Variants in CCDC88A observed in about 807,000 individuals in gnomAD.
The protein encoded by CCDC88A is girdin.
A neutral mutation model predicts 234.3 loss-of-function variants in CCDC88A; 54 were observed. The observed-to-expected ratio is 0.23, with a 90% CI of 0.19 to 0.29. CCDC88A has a LOEUF of 0.29. Ranked by LOEUF, CCDC88A falls within the 10% of genes least tolerant of loss-of-function variation. The probability of loss-of-function intolerance (pLI) is 1.00; values close to 1 mark genes in which losing one functional copy is unlikely to be tolerated. For synonymous variants in CCDC88A, 753 were observed against 737.8 expected (o/e 1.02, Z -0.33); for missense variants, 1,832 against 2,123.4 (o/e 0.86, Z 2.70).
intron 7 of CCDC88A, among the ~76,000 whole-genome samples, chr2:55,357,316 CTTCCTTCCTTCCTTCT>C (rs1406890754): frequency 1.3e-5 from 2 of 150,014 alleles, no homozygotes; most frequent in Non-Finnish European, 1.5e-5. Context: ...AAATTCCTTC[CTTCCTTCCTTCCTTCT>C]TTCCTTCCTT....
At chr2:55,391,376 A>G (rs981956610) in intron 2 of CCDC88A, among the ~76,000 whole-genome samples, 1 of 152,168 alleles carries the variant, frequency 6.6e-6, no homozygotes, top group Non-Finnish European at 1.5e-5. Context: ...AATCATTACA[A>G]TGTCCAGCAT....
intron 8 of CCDC88A, chr2:55,355,344 T>C (rs977935906): frequency 2.5e-5 from 10 of 393,258 alleles, no homozygotes; most frequent in African/African-American, 1.9e-4. Flanking sequence ...GACATTATTT[T>C]ATTTAAAAAA....
At chr2:55,367,506 C>A (rs182453963) in intron 5 of CCDC88A, among the ~76,000 whole-genome samples, 1 of 102,322 alleles carries the variant, frequency 9.8e-6, no homozygotes, top group African/African-American at 4.1e-5. Flanking sequence ...AAATGCCTTG[C>A]TAGAAATTGT....
At chr2:55,321,506 A>T (rs961518716) in intron 18 of CCDC88A, among the ~76,000 whole-genome samples, 1 of 151,946 alleles carries the variant, frequency 6.6e-6, no homozygotes, top group African/African-American at 2.4e-5. Context: ...AGCCGAGATC[A>T]CGCCACTGCA....
Position 55,335,290 on chromosome 2 carries a change from T to C in CCDC88A, c.1657-126A>G. On this transcript the variant is annotated intron_variant, in intron 14 of 32. Transcript: ENST00000436346. This position sits in a 1 kb window ranked among gnomAD's most constrained non-coding sequence, Gnocchi z 4.5. ...TGCTAGAACATGTCTTACTTTTAAT[T>C]CTGACAAGTATTTACTGAAGACCAC... The C allele has an allele frequency of 1.8e-6, 1 of 546,752 alleles. No homozygotes were observed. The highest frequency in any genetic ancestry group is 3.0e-6 in the Non-Finnish European group (1 of 328,856). The allele number at this position is 546,752 out of a possible 1,614,324, so 33.9% of individuals were successfully genotyped here.
In CCDC88A at chr2:55,386,543, C is replaced by T. The variant is rs192047288; in HGVS notation, c.273+2235G>A. Among the ~76,000 whole-genome samples, 633 of 151,594 alleles carry T rather than the reference C, an allele frequency of 4.2e-3. 5 individuals are homozygous for T. Among genetic ancestry groups the T allele is most frequent in the African/African-American group, 0.015 (620 of 41,226 alleles). On this transcript the variant is annotated intron_variant, in intron 3 of 32. Coordinates refer to ENST00000436346, the MANE Select transcript of CCDC88A (RefSeq NM_001365480.1). ...CTGGAGTGCAACAGCATGATCTCGGCTCACTGCAAACCCTGCTTCCTGGGT... is the reference window on the plus strand; with the variant it reads ...CTGGAGTGCAACAGCATGATCTCGGTTCACTGCAAACCCTGCTTCCTGGGT...
chr2:55,335,067 A>G lies in CCDC88A; in HGVS notation c.1754T>C (p.Ile585Thr). 6.2e-7 allele frequency: 1 copy of G among 1,611,936 alleles called. No individual in the cohort carries two copies. Among genetic ancestry groups the G allele is most frequent in the South Asian group, 1.1e-5 (1 of 90,682 alleles). The change falls in exon 15 of 33, where the codon ATT becomes ACT. Residue 585 changes from isoleucine (I) to threonine (T), a missense_variant. By Grantham distance (89) the Ile-to-Thr change is moderately conservative (BLOSUM62 -1). Around this residue, in one of 6 missense-constraint regions of CCDC88A, gnomAD observed 1,282 missense variants for 1,543.6 expected, o/e 0.83. Coordinates refer to ENST00000436346, the MANE Select transcript of CCDC88A (RefSeq NM_001365480.1). This position sits in a 1 kb window ranked among gnomAD's most constrained non-coding sequence, Gnocchi z 4.5. ...ATGAAGAATTTTGTTTTCTTTTTCA[A>G]TGTCTTTCACTCTTGCTTCTGCACT... ...QISAEARVKD[I>T]EKENKILHES...
intron 9 of CCDC88A, chr2:55,348,838 T>G (rs1285170832): frequency 6.6e-6 from 1 of 152,220 alleles, no homozygotes; most frequent in Admixed American, 6.5e-5. Flanking sequence ...CTCATTTATC[T>G]ATGAAGGTCC....
chr2:55,366,458 C>T (rs968678525), intron 5 of CCDC88A, among the ~76,000 whole-genome samples: 1 of 151,338 alleles, frequency 6.6e-6, no homozygotes, highest in African/African-American at 2.4e-5. Flanking sequence ...ACCCAGGAGG[C>T]GGAGGTTGTA....
chr2:55,356,484 G>GAAATCA (rs1461017345), intron 7 of CCDC88A: 2 of 135,374 alleles, frequency 1.5e-5, no homozygotes, highest in African/African-American at 7.6e-5. Context: ...TGATGAAAAT[G>GAAATCA]ATTAGATTAG....
intron 5 of CCDC88A, among the ~76,000 whole-genome samples, chr2:55,368,495 A>T (rs1008303875): frequency 5.2e-4 from 78 of 149,744 alleles, no homozygotes; most frequent in African/African-American, 7.4e-4. Context: ...TTAAAAAAAA[A>T]TTTTTTTTTG....
At position 55,291,808 on chromosome 2, in the gene CCDC88A, C is replaced by A. The variant is rs368829248; in HGVS notation, c.5552-33G>T. 8.5e-6 allele frequency: 13 copies of A among 1,536,580 alleles called. No individual in the cohort carries two copies. In the African/African-American group the frequency reaches 1.5e-4, roughly 18 times the overall value. On this transcript the variant is annotated intron_variant, in intron 31 of 32. Transcript: ENST00000436346. ...AGAAAAGCATTTCATGTTATTTAGT[C>A]AAAGATGAAACAAAATACAATTCAG...
intron 9 of CCDC88A, chr2:55,349,236 G>T: frequency 2.9e-6 from 1 of 344,006 alleles, no homozygotes; most frequent in Non-Finnish European, 5.2e-6. Flanking sequence ...TAGCTTCCAA[G>T]GCCACAGAAG....
chr2:55,408,019 T>C (rs1490440155), intron 2 of CCDC88A, among the ~76,000 whole-genome samples: 1 of 151,936 alleles, frequency 6.6e-6, no homozygotes, highest in Non-Finnish European at 1.5e-5. Flanking sequence ...CGCCTGGCCC[T>C]TTCTACTTTA....
At chr2:55,378,091 T>C (rs779775979) in intron 3 of CCDC88A, among the ~76,000 whole-genome samples, 41 of 152,304 alleles carry the variant, frequency 2.7e-4, no homozygotes, top group African/African-American at 9.1e-4. Flanking sequence ...ACATTCTATG[T>C]TGGTACACTG....
chr2:55,332,770 T>A lies in CCDC88A; in HGVS notation c.2728-77A>T. On this transcript the variant is annotated intron_variant, in intron 15 of 32. Coordinates refer to ENST00000436346, the MANE Select transcript of CCDC88A (RefSeq NM_001365480.1). This position sits in a 1 kb window ranked among gnomAD's most constrained non-coding sequence, Gnocchi z 4.5. Reference sequence around the variant, plus strand: ...CTAAGAAAGTCAGCTAAGATTCTAATTACCACCATCTAGGAATACATGTAA... The same window carrying A: ...CTAAGAAAGTCAGCTAAGATTCTAAATACCACCATCTAGGAATACATGTAA... The A allele has an allele frequency of 3.2e-6, 4 of 1,265,718 alleles. No individual in the cohort carries two copies. Among genetic ancestry groups the A allele is most frequent in the Non-Finnish European group, 4.5e-6 (4 of 883,870 alleles). The allele number at this position is 1,265,718 out of a possible 1,614,324, so 78.4% of individuals were successfully genotyped here.
chr2:55,289,000 T>G lies in CCDC88A; in HGVS notation c.*2200A>C, dbSNP rs1679256832. ...AAAAGTGTGATGAATATAATTGAGA[T>G]TATTCATATTTTTGTAGTCTCAATG... On this transcript the variant is annotated 3_prime_UTR_variant, in exon 33 of 33. Transcript: ENST00000436346. 6.6e-6 allele frequency: 1 copy of G among 152,634 alleles called. No homozygotes were observed. Among genetic ancestry groups the G allele is most frequent in the Non-Finnish European group, 1.5e-5 (1 of 68,020 alleles). 9.5% of individuals were successfully genotyped at this position (152,634 alleles called of 1,614,324 possible). A position where few individuals can be genotyped will look rare whatever the true frequency, so the allele number is the denominator to read the frequency against.
At chr2:55,303,616 G>C (rs1317286874) in intron 25 of CCDC88A, among the ~76,000 whole-genome samples, 1 of 152,092 alleles carries the variant, frequency 6.6e-6, no homozygotes. Flanking sequence ...CCCAACCTCA[G>C]GTGATCCGCC....
intron 5 of CCDC88A, among the ~76,000 whole-genome samples, chr2:55,366,509 A>C (rs1671973822): frequency 6.7e-6 from 1 of 149,986 alleles, no homozygotes; most frequent in African/African-American, 2.5e-5. Flanking sequence ...CCTAGGCAAC[A>C]GAGCAAGACT....
Sources: gnomAD v4.1 joint callset for allele counts (sites outside exome capture counted in the v4.1 genomes callset) on GRCh38, gnomAD v4.1.1 for gene constraint, gnomAD v4.1.1 regional missense constraint, Gnocchi (gnomAD v3.1) non-coding constraint, MANE v1.5 for transcripts, NCBI Gene and HGNC (gene_info 2026-07-23, HGNC 2026-07-21) for gene names.